The following RAP1A variants were observed in gnomAD, a reference collection of about 807,000 sequenced individuals.
RAP1A encodes ras-related protein Rap-1A.
RAP1A carries 6 observed loss-of-function variants against 26.4 expected under a neutral mutation model. The ratio of observed to expected loss-of-function variants is 0.23; its 90% CI spans 0.12 to 0.45. RAP1A has a LOEUF of 0.45. Among genes scored for constraint, RAP1A ranks in the 20% least tolerant of loss-of-function variants. The pLI, the probability that RAP1A is intolerant of heterozygous loss-of-function variation, is 0.99. For synonymous variants in RAP1A, 73 were observed against 79.4 expected (o/e 0.92, Z 0.43); for missense variants, 121 against 217.2 (o/e 0.56, Z 2.78).
intron 1 of RAP1A, among the ~76,000 whole-genome samples, chr1:111,549,564 C>T (rs539742289): frequency 1.2e-4 from 18 of 151,024 alleles, no homozygotes; most frequent in Non-Finnish European, 2.2e-4. Flanking sequence ...ACAGGAGAAT[C>T]GCTTGAACTG....
At chr1:111,550,072 G>A (rs1050537168) in intron 1 of RAP1A, among the ~76,000 whole-genome samples, 1 of 152,152 alleles carries the variant, frequency 6.6e-6, no homozygotes, top group Non-Finnish European at 1.5e-5. Flanking sequence ...TGTGTTTTTA[G>A]AAATTTGTCC....
chr1:111,561,435 T>G (rs1178442646), intron 1 of RAP1A, among the ~76,000 whole-genome samples: 1 of 152,196 alleles, frequency 6.6e-6, no homozygotes, highest in Non-Finnish European at 1.5e-5. Context: ...ATCATTAATT[T>G]TAGATGGAGG....
chr1:111,689,319 C>G (rs901427530), intron 1 of RAP1A, among the ~76,000 whole-genome samples: 1 of 150,046 alleles, frequency 6.7e-6, no homozygotes, highest in African/African-American at 2.5e-5. Context: ...TTGCTTCTTT[C>G]TTCCCTCTCT....
intron 1 of RAP1A, among the ~76,000 whole-genome samples, chr1:111,568,342 C>G (rs1553209475): frequency 6.6e-6 from 1 of 152,136 alleles, no homozygotes; most frequent in Non-Finnish European, 1.5e-5. Flanking sequence ...AAAGCAGGAG[C>G]AGGCAGGTCA....
At chr1:111,673,895 A>G (rs1321554084) in intron 1 of RAP1A, among the ~76,000 whole-genome samples, 1 of 152,190 alleles carries the variant, frequency 6.6e-6, no homozygotes, top group Non-Finnish European at 1.5e-5. Flanking sequence ...TTCGTGACCC[A>G]TGGTGTTTGT....
chr1:111,620,716 T>C (rs1321841038), intron 1 of RAP1A, among the ~76,000 whole-genome samples: 1 of 152,222 alleles, frequency 6.6e-6, no homozygotes, highest in African/African-American at 2.4e-5. Context: ...GGGTCTCTGC[T>C]TCTTCCCTGA....
intron 1 of RAP1A, among the ~76,000 whole-genome samples, chr1:111,632,372 T>C (rs1384061586): frequency 6.6e-6 from 1 of 152,114 alleles, no homozygotes; most frequent in Non-Finnish European, 1.5e-5. Flanking sequence ...ATGAATATCA[T>C]AGGAATGGAT....
At chr1:111,592,541 C>A (rs763286310) in intron 1 of RAP1A, among the ~76,000 whole-genome samples, 33 of 152,224 alleles carry the variant, frequency 2.2e-4, no homozygotes, top group Non-Finnish European at 4.6e-4. Flanking sequence ...TAACTGCACC[C>A]TTCCACCTTG....
At chr1:111,648,617 G>A in intron 1 of RAP1A, 1 of 524,216 alleles carries the variant, frequency 1.9e-6, no homozygotes, top group Non-Finnish European at 3.6e-6. Context: ...CCCTCAGTCT[G>A]TTCTACAAAC....
chr1:111,592,016 G>C (rs933047741), intron 1 of RAP1A, among the ~76,000 whole-genome samples: 1 of 152,152 alleles, frequency 6.6e-6, no homozygotes, highest in African/African-American at 2.4e-5. Flanking sequence ...TCTGGACCTC[G>C]AGGGCTGGCT....
rs534050306 is a variant in RAP1A at position 111,670,288 on chromosome 1, A to G, written c.-27-21046A>G. Among the ~76,000 whole-genome samples the G allele has an allele frequency of 1.3e-3, 205 of 152,248 alleles. 1 individual carries two copies. The highest frequency in any genetic ancestry group is 2.1e-3 in the Non-Finnish European group (141 of 68,002). ...GGAGTTCGAGACCAGCCTGGGCAAG[A>G]TGGCGAAACCCTGTCTCTACCAAAA... On this transcript the variant is annotated intron_variant, in intron 1 of 7. Coordinates refer to ENST00000369709, the MANE Select transcript of RAP1A (RefSeq NM_002884.4).
chr1:111,620,093 G>A (rs1392854431), intron 1 of RAP1A, among the ~76,000 whole-genome samples, 159 bp downstream of exon 1: 3 of 152,088 alleles, frequency 2.0e-5, no homozygotes, highest in Admixed American at 2.0e-4. Context: ...CGGGGGCCTG[G>A]CCGGCGGGAG....
At chr1:111,655,304 A>C (rs2101144916) in intron 1 of RAP1A, among the ~76,000 whole-genome samples, 1 of 152,280 alleles carries the variant, frequency 6.6e-6, no homozygotes, top group East Asian at 1.9e-4. Context: ...GAGCGTGATA[A>C]ACAGCTAAAA....
chr1:111,614,429 C>A (rs779046711), intron 1 of RAP1A, among the ~76,000 whole-genome samples: 1 of 152,148 alleles, frequency 6.6e-6, no homozygotes, highest in Non-Finnish European at 1.5e-5. Context: ...ATGGAAGCTT[C>A]TTTTTATTGA....
At chr1:111,692,303 A>G (rs759608007) in intron 2 of RAP1A, among the ~76,000 whole-genome samples, 11 of 152,184 alleles carry the variant, frequency 7.2e-5, no homozygotes, top group Non-Finnish European at 1.6e-4. Flanking sequence ...GAGTCATGTC[A>G]AATTTTATGT....
In RAP1A at chr1:111,714,291, C is replaced by T. The variant is rs1480471102; in HGVS notation, c.*1890C>T. 6.6e-6 allele frequency: 1 copy of T among 152,128 alleles called. No homozygotes were observed. Among genetic ancestry groups the T allele is most frequent in the Non-Finnish European group, 1.5e-5 (1 of 68,020 alleles). The allele number at this position is 152,128 out of a possible 1,614,324, so 9.4% of individuals were successfully genotyped here. On this transcript the variant is annotated 3_prime_UTR_variant, in exon 8 of 8. Coordinates refer to ENST00000369709, the MANE Select transcript of RAP1A (RefSeq NM_002884.4). Reference sequence around the variant, plus strand: ...AGGGCCAGTTGTCAGGTCAGGGTGGCATCTTTTATTTTAAGGTCCTCTAAA... The same window carrying T: ...AGGGCCAGTTGTCAGGTCAGGGTGGTATCTTTTATTTTAAGGTCCTCTAAA...
rs1662468582 is a variant in RAP1A at position 111,714,219 on chromosome 1, G to A, written c.*1818G>A. On this transcript the variant is annotated 3_prime_UTR_variant, in exon 8 of 8. Transcript: ENST00000369709. The stretch of plus-strand genomic sequence containing the variant: ...CTTCTACTTATCCAATTATGCATAT[G>A]TCTGGGATTGAGGGGCCAAAACTAT... The A allele has an allele frequency of 6.6e-6, 1 of 152,120 alleles. No individual in the cohort carries two copies. The highest frequency in any genetic ancestry group is 2.4e-5 in the African/African-American group (1 of 41,414). 9.4% of individuals were successfully genotyped at this position (152,120 alleles called of 1,614,324 possible). A position where few individuals can be genotyped will look rare whatever the true frequency, so the allele number is the denominator to read the frequency against.
chr1:111,687,911 G>T lies in RAP1A; in HGVS notation c.-27-3423G>T, dbSNP rs140899873. Among the ~76,000 whole-genome samples the T allele has an allele frequency of 3.0e-3, 454 of 151,902 alleles. 4 individuals are homozygous for T. Among genetic ancestry groups the T allele is most frequent in the African/African-American group, 0.011 (441 of 41,396 alleles). On this transcript the variant is annotated intron_variant, in intron 1 of 7. Coordinates refer to ENST00000369709, the MANE Select transcript of RAP1A (RefSeq NM_002884.4). ...GCACTCCTGTAGTGCCAGCTGCTCA[G>T]GAGGCTGAGGTGGGAGGATTGCGTG... is the stretch of plus-strand genomic sequence containing the variant.
intron 1 of RAP1A, among the ~76,000 whole-genome samples, chr1:111,634,404 T>G (rs1219251139): frequency 6.6e-6 from 1 of 151,802 alleles, no homozygotes; most frequent in Non-Finnish European, 1.5e-5. Flanking sequence ...GTTTACATAG[T>G]ATGATTTTAG....
Sources: allele counts gnomAD v4.1 joint callset (sites outside exome capture counted in the v4.1 genomes callset), GRCh38; gene constraint gnomAD v4.1.1; transcripts MANE v1.5; gene names NCBI Gene and HGNC (gene_info 2026-07-23, HGNC 2026-07-21).